OR7C1: variants seen among roughly 807,000 people sequenced by gnomAD.
OR7C1 encodes olfactory receptor family 7 subfamily C member 1, also known as olfactory receptor 7C1.
For missense variants in OR7C1, 324 were observed against 383.3 expected, an observed-to-expected ratio of 0.85 and a Z score of 1.29; for synonymous variants, 152 against 160.7, an observed-to-expected ratio of 0.95 and a Z score of 0.41.
chr19:14,830,836 CCTCGTGTGCCAATGA>C (rs1325911536), intron 1 of OR7C1, among the ~76,000 whole-genome samples: 2 of 152,170 alleles, frequency 1.3e-5, no homozygotes, highest in Admixed American at 1.3e-4. Flanking sequence ...GACACACAAC[CCTCGTGTGCCAATGA>C]CTCACAATCT....
At chr19:14,833,976 C>G (rs2044859482) in intron 1 of OR7C1, among the ~76,000 whole-genome samples, 1 of 152,136 alleles carries the variant, frequency 6.6e-6, no homozygotes, top group South Asian at 2.1e-4. Context: ...AAAACACATA[C>G]AGGCTGGGCG....
chr19:14,799,753 G>A (rs139947549), exon 5 of OR7C1: 4 of 1,613,960 alleles, frequency 2.5e-6, no homozygotes, highest in African/African-American at 2.7e-5. Flanking sequence ...AGTGCAGGGG[G>A]TGACAGACGG....
At chr19:14,820,391 C>T (rs959905713) in intron 1 of OR7C1, among the ~76,000 whole-genome samples, 29 of 120,446 alleles carry the variant, frequency 2.4e-4, no homozygotes, top group Admixed American at 5.8e-4. Context: ...CACATGGGGG[C>T]CTGTTGGGGG....
chr19:14,809,019 G>T (rs1251782493), intron 2 of OR7C1, among the ~76,000 whole-genome samples: 2 of 151,824 alleles, frequency 1.3e-5, no homozygotes, highest in African/African-American at 4.9e-5. Context: ...TATTGAGTAG[G>T]TTTCTTGAAA....
chr19:14,832,016 C>G (rs1467313702), intron 1 of OR7C1, among the ~76,000 whole-genome samples: 2 of 152,058 alleles, frequency 1.3e-5, no homozygotes, highest in Non-Finnish European at 2.9e-5. Context: ...TTATATAATA[C>G]TCATGCCTCA....
intron 1 of OR7C1, chr19:14,828,285 C>A (rs201380372): frequency 1.9e-6 from 3 of 1,563,402 alleles, no homozygotes; most frequent in Non-Finnish European, 2.6e-6. Context: ...AAGAGGGAAA[C>A]GAGACAGGCA....
intron 2 of OR7C1, among the ~76,000 whole-genome samples, chr19:14,808,207 A>T (rs527777528): frequency 6.6e-6 from 1 of 152,060 alleles, no homozygotes; most frequent in South Asian, 2.1e-4. Flanking sequence ...GGAAAACAGT[A>T]TGGAGATTTC....
exon 5 of OR7C1, chr19:14,798,972 T>TGGAG (rs2044624685): frequency 1.9e-6 from 1 of 530,808 alleles, no homozygotes; most frequent in African/African-American, 2.0e-5. Context: ...AAAGAAATGA[T>TGGAG]TTTGAGGGCT....
chr19:14,828,197 C>A, intron 1 of OR7C1: 1 of 1,613,188 alleles, frequency 6.2e-7, no homozygotes, highest in Non-Finnish European at 8.5e-7. Flanking sequence ...GTGAAAATCC[C>A]AGAAGAAGAA....
chr19:14,831,761 C>G (rs1420859197), intron 1 of OR7C1, among the ~76,000 whole-genome samples: 1 of 150,852 alleles, frequency 6.6e-6, no homozygotes, highest in Admixed American at 6.6e-5. Flanking sequence ...TTTTTTTTTG[C>G]TACTTGTGGA....
intron 2 of OR7C1, among the ~76,000 whole-genome samples, chr19:14,801,521 A>G (rs2044641860): frequency 6.6e-6 from 1 of 152,168 alleles, no homozygotes; most frequent in Non-Finnish European, 1.5e-5. Flanking sequence ...AATTAATGCG[A>G]TTTTAGGATA....
At chr19:14,801,806 C>A (rs75888346) in intron 2 of OR7C1, among the ~76,000 whole-genome samples, 1 of 151,998 alleles carries the variant, frequency 6.6e-6, no homozygotes, top group Non-Finnish European at 1.5e-5. Flanking sequence ...AGAGAGAGAG[C>A]GCGCGCTAAG....
At chr19:14,802,816 A>G (rs1429771859) in intron 2 of OR7C1, among the ~76,000 whole-genome samples, 1 of 152,140 alleles carries the variant, frequency 6.6e-6, no homozygotes, top group Non-Finnish European at 1.5e-5. Flanking sequence ...GTCTGGGGTA[A>G]ATACCCAAGG....
chr19:14,828,103 G>A (rs1222185158), intron 1 of OR7C1: 1 of 1,614,030 alleles, frequency 6.2e-7, no homozygotes, highest in Non-Finnish European at 8.5e-7. Context: ...ATTGTGGCCA[G>A]GATGATGAGC....
At chr19:14,822,866 G>T (rs1464220927) in intron 1 of OR7C1, among the ~76,000 whole-genome samples, 1 of 150,868 alleles carries the variant, frequency 6.6e-6, no homozygotes, top group Non-Finnish European at 1.5e-5. Context: ...TTTTAAACTG[G>T]GTTACTTGTT....
chr19:14,829,247 G>A (rs540754284), intron 1 of OR7C1, among the ~76,000 whole-genome samples: 11 of 152,256 alleles, frequency 7.2e-5, no homozygotes, highest in Admixed American at 3.9e-4. Flanking sequence ...CTCTGTTGCC[G>A]GGCTGGAGCG....
intron 1 of OR7C1, among the ~76,000 whole-genome samples, chr19:14,814,851 T>C (rs1696103915): frequency 6.6e-6 from 1 of 152,156 alleles, no homozygotes; most frequent in South Asian, 2.1e-4. Context: ...CCCTTCCTTT[T>C]CATGGTTCAC....
chr19:14,823,670 T>C (rs185731049), intron 1 of OR7C1, among the ~76,000 whole-genome samples: 84 of 152,354 alleles, frequency 5.5e-4, no homozygotes, highest in Non-Finnish European at 2.4e-4. Flanking sequence ...TCTATATTTA[T>C]GTGTCCACAT....
chr19:14,821,527 C>T (rs768190203), intron 1 of OR7C1: 1 of 152,208 alleles, frequency 6.6e-6, no homozygotes, highest in Non-Finnish European at 1.5e-5. Flanking sequence ...ACTATTCCGC[C>T]TTTACTGCAG....
Sources: allele counts gnomAD v4.1 joint callset (sites outside exome capture counted in the v4.1 genomes callset), GRCh38; gene constraint gnomAD v4.1.1; transcripts MANE v1.5; gene names NCBI Gene and HGNC (gene_info 2026-07-23, HGNC 2026-07-21).